ARHGAP42: variants seen among roughly 807,000 people sequenced by gnomAD.
The protein encoded by ARHGAP42 is rho GTPase-activating protein 42.
In ARHGAP42, 63 loss-of-function variants were observed where a neutral mutation model predicts 125.0. That is an observed-to-expected ratio of 0.50 (90% CI 0.41 to 0.62). The LOEUF (loss-of-function observed/expected upper bound fraction) is 0.62, where lower values mean the gene tolerates loss of function less well. ARHGAP42 is among the 20% of genes least tolerant of loss of function. The pLI is 0.00. For synonymous variants in ARHGAP42, 339 were observed against 351.0 expected, an observed-to-expected ratio of 0.97 and a Z score of 0.38; for missense variants, 766 against 1,024.2, an observed-to-expected ratio of 0.75 and a Z score of 3.44.
intron 2 of ARHGAP42, among the ~76,000 whole-genome samples, chr11:100,791,654 A>G (rs1863570603): frequency 6.6e-6 from 1 of 152,100 alleles, no homozygotes. Flanking sequence ...ACCCAGTCGT[A>G]ATTTTTTGAA....
At chr11:100,774,724 G>T (rs1212340382) in intron 2 of ARHGAP42, among the ~76,000 whole-genome samples, 3 of 138,526 alleles carry the variant, frequency 2.2e-5, no homozygotes, top group Admixed American at 7.2e-5. Flanking sequence ...GGAAGAGAAG[G>T]TGGTGTTATT....
intron 3 of ARHGAP42, among the ~76,000 whole-genome samples, chr11:100,813,346 G>A (rs543095635): frequency 1.1e-3 from 170 of 152,294 alleles, no homozygotes; most frequent in Non-Finnish European, 2.0e-3. Flanking sequence ...AGGGGTCAAA[G>A]TCAACCAGTT....
At position 100,962,422 on chromosome 11, in the gene ARHGAP42, C is replaced by T; in HGVS notation, c.1399C>T (p.Pro467Ser). Residue 467 changes from proline (P) to serine (S), a missense_variant, in exon 16 of 24, where the codon CCA becomes TCA. Physicochemically the swap from Pro to Ser is moderately conservative, Grantham distance 74. Around this residue, in one of 3 missense-constraint regions of ARHGAP42, gnomAD observed 455 missense variants for 636.5 expected, o/e 0.71. Coordinates refer to ENST00000298815, the MANE Select transcript of ARHGAP42 (RefSeq NM_152432.4). ...TCTCTGTTGTAGGTGCCTTGCAGAA[C>T]CACTGATGACTTACAAGTTGCACAA... ...LKNYLRCLAE[P>S]LMTYKLHKDF... 6.4e-7 allele frequency: 1 copy of T among 1,550,982 alleles called. No individual in the cohort carries two copies. The highest frequency in any genetic ancestry group is 8.7e-7 in the Non-Finnish European group (1 of 1,146,510).
chr11:100,911,062 C>G (rs1866899442), intron 4 of ARHGAP42, among the ~76,000 whole-genome samples: 1 of 152,150 alleles, frequency 6.6e-6, no homozygotes, highest in Admixed American at 6.5e-5. Context: ...GTTTCTTCCT[C>G]TTCTATGAAA....
At chr11:100,795,880 A>G (rs371976423) in intron 3 of ARHGAP42, among the ~76,000 whole-genome samples, 2 of 152,318 alleles carry the variant, frequency 1.3e-5, no homozygotes, top group East Asian at 3.9e-4. Context: ...GGTGATAACG[A>G]TGCTGATAGT....
chr11:100,722,894 A>G (rs1861789023), intron 1 of ARHGAP42, among the ~76,000 whole-genome samples: 1 of 152,148 alleles, frequency 6.6e-6, no homozygotes, highest in South Asian at 2.1e-4. Flanking sequence ...AGATTTTATA[A>G]TAATACTAGG....
intron 1 of ARHGAP42, among the ~76,000 whole-genome samples, chr11:100,715,219 G>T (rs775047568): frequency 2.4e-4 from 36 of 152,126 alleles, no homozygotes; most frequent in Non-Finnish European, 4.4e-4. Flanking sequence ...CTTGGTGGAA[G>T]AAGTATTCTG....
In ARHGAP42 at chr11:100,990,914, T is replaced by C. The variant is rs1392032936; in HGVS notation, c.*2113T>C. ...TAAAGAATCTCAACCTTCATTTTAT[T>C]TGAACACGGACCAAAGTGTTCCTGC... On this transcript the variant is annotated 3_prime_UTR_variant, in exon 24 of 24. Transcript: ENST00000298815. 4 of 152,284 alleles carry C rather than the reference T, an allele frequency of 2.6e-5. No homozygotes were observed. The East Asian group carries it at 7.7e-4, about 29-fold the overall frequency. The allele number at this position is 152,284 out of a possible 1,614,324, so 9.4% of individuals were successfully genotyped here. A position where few individuals can be genotyped will look rare whatever the true frequency, so the allele number is the denominator to read the frequency against.
intron 4 of ARHGAP42, among the ~76,000 whole-genome samples, chr11:100,861,530 T>A (rs1865444791): frequency 6.6e-6 from 1 of 152,098 alleles, no homozygotes; most frequent in Non-Finnish European, 1.5e-5. Context: ...TGGCTTTAGA[T>A]AAGGAGGGTG....
chr11:100,968,733 C>A (rs1858162512), intron 17 of ARHGAP42, among the ~76,000 whole-genome samples: 1 of 152,056 alleles, frequency 6.6e-6, no homozygotes, highest in South Asian at 2.1e-4. Context: ...TATTTTCTTA[C>A]TCCAGTACAG....
intron 2 of ARHGAP42, among the ~76,000 whole-genome samples, chr11:100,770,639 G>A (rs765218520): frequency 7.9e-5 from 12 of 152,064 alleles, no homozygotes; most frequent in African/African-American, 1.7e-4. Context: ...GTGCAGTGGC[G>A]TAATCTTGAC....
At chr11:100,987,806 AAAATAAATAAATAAATAAAT>A (rs5794089) in intron 23 of ARHGAP42, among the ~76,000 whole-genome samples, 2 of 142,472 alleles carry the variant, frequency 1.4e-5, no homozygotes, top group African/African-American at 5.2e-5. Context: ...CCCAACCCAC[AAAATAAATAAATAAATAAAT>A]AAATAAATAA....
intron 1 of ARHGAP42, among the ~76,000 whole-genome samples, chr11:100,731,037 T>C (rs1364994512): frequency 1.3e-5 from 2 of 152,234 alleles, no homozygotes; most frequent in East Asian, 1.9e-4. Context: ...ATGGCAGTCA[T>C]TCAGGTTTTT....
chr11:100,835,332 A>T (rs1361942536), intron 3 of ARHGAP42, among the ~76,000 whole-genome samples: 1 of 152,196 alleles, frequency 6.6e-6, no homozygotes, highest in African/African-American at 2.4e-5. Flanking sequence ...TTATACATGC[A>T]CGTCGTAATC....
chr11:100,886,610 A>C (rs1266742555), intron 4 of ARHGAP42, among the ~76,000 whole-genome samples: 1 of 152,224 alleles, frequency 6.6e-6, no homozygotes. Context: ...AATTTTACTT[A>C]GCACAGCGAT....
intron 2 of ARHGAP42, among the ~76,000 whole-genome samples, chr11:100,791,271 G>T (rs546730717): frequency 6.6e-6 from 1 of 152,172 alleles, no homozygotes; most frequent in African/African-American, 2.4e-5. Context: ...TTTGTGGATG[G>T]GCCAGGCAGG....
intron 1 of ARHGAP42, among the ~76,000 whole-genome samples, chr11:100,722,539 C>T (rs1861778335): frequency 6.6e-6 from 1 of 151,878 alleles, no homozygotes; most frequent in Non-Finnish European, 1.5e-5. Context: ...TACAGGCATG[C>T]ACCACCATGC....
intron 1 of ARHGAP42, among the ~76,000 whole-genome samples, chr11:100,722,631 C>T (rs536292406): frequency 1.2e-4 from 19 of 152,258 alleles, no homozygotes; most frequent in Non-Finnish European, 1.8e-4. Context: ...TCAGGTGATG[C>T]GCCCGCCTTG....
intron 4 of ARHGAP42, among the ~76,000 whole-genome samples, chr11:100,875,976 G>A (rs1865815883): frequency 6.6e-6 from 1 of 152,022 alleles, no homozygotes; most frequent in African/African-American, 2.4e-5. Context: ...TTGTGTAGGA[G>A]AGCATGTGGC....
Sources: allele counts gnomAD v4.1 joint callset (sites outside exome capture counted in the v4.1 genomes callset), GRCh38; gene constraint gnomAD v4.1.1; regional missense constraint gnomAD v4.1.1; transcripts MANE v1.5; gene names NCBI Gene and HGNC (gene_info 2026-07-23, HGNC 2026-07-21).